The following KIF26B variants were observed in gnomAD, a reference collection of about 807,000 sequenced individuals.
KIF26B encodes kinesin family member 26B.
KIF26B carries 63 observed loss-of-function variants against 151.2 expected under a neutral mutation model. The observed-to-expected ratio is 0.42, with a 90% CI of 0.34 to 0.51. The LOEUF (loss-of-function observed/expected upper bound fraction) is 0.51. KIF26B is among the 20% of genes least tolerant of loss of function. KIF26B has a pLI of 0.07. For synonymous variants in KIF26B, 1,357 were observed against 1,262.1 expected (o/e 1.08, Z -1.59); for missense variants, 2,813 against 2,913.6 (o/e 0.97, Z 0.79).
chr1:245,250,660 T>C (rs901298048), intron 2 of KIF26B, among the ~76,000 whole-genome samples: 19 of 152,176 alleles, frequency 1.2e-4, no homozygotes, highest in African/African-American at 4.6e-4. Flanking sequence ...GATAAAACGA[T>C]GTTTTCTTGT....
chr1:245,282,307 A>G (rs28889888), intron 2 of KIF26B, among the ~76,000 whole-genome samples: 2,527 of 152,274 alleles, frequency 0.017, 68 homozygotes, highest in African/African-American at 0.058. Flanking sequence ...AGCCAAAAGA[A>G]CAAAGCTGGA....
chr1:245,616,406 T>G (rs1017076457), intron 9 of KIF26B, among the ~76,000 whole-genome samples: 2 of 152,214 alleles, frequency 1.3e-5, no homozygotes. Flanking sequence ...ATCAGAGAGC[T>G]GCTTCTCATA....
chr1:245,474,119 T>A (rs1236005942), intron 4 of KIF26B, among the ~76,000 whole-genome samples: 2 of 150,942 alleles, frequency 1.3e-5, no homozygotes, highest in African/African-American at 2.4e-5. Flanking sequence ...CCTTTTTTTT[T>A]TTTTTTTGAG....
chr1:245,346,699 C>T (rs75374118), intron 2 of KIF26B, among the ~76,000 whole-genome samples: 3,130 of 152,222 alleles, frequency 0.021, 61 homozygotes, highest in East Asian at 0.1. Flanking sequence ...AGCTTATTAC[C>T]GGTTGTAAAG....
chr1:245,257,918 A>G (rs576815191), intron 2 of KIF26B, among the ~76,000 whole-genome samples: 1 of 152,192 alleles, frequency 6.6e-6, no homozygotes, highest in South Asian at 2.1e-4. Context: ...GCTACTCGGG[A>G]GGCTGAGGCT....
chr1:245,593,162 C>T (rs142338534), intron 5 of KIF26B, among the ~76,000 whole-genome samples: 1 of 152,100 alleles, frequency 6.6e-6, no homozygotes, highest in African/African-American at 2.4e-5. Context: ...TTTATAAAAC[C>T]TGGGTTTGTT....
chr1:245,435,811 GCTC>G (rs1198989127), intron 4 of KIF26B, among the ~76,000 whole-genome samples: 1 of 152,192 alleles, frequency 6.6e-6, no homozygotes, highest in African/African-American at 2.4e-5. Context: ...GCTAGCCACT[GCTC>G]CTTGGGAACA....
chr1:245,288,347 CAG>C, intron 2 of KIF26B, among the ~76,000 whole-genome samples: 1 of 152,318 alleles, frequency 6.6e-6, no homozygotes, highest in South Asian at 2.1e-4. Context: ...TAGCAACCAA[CAG>C]AAGACAGGAA....
In KIF26B at chr1:245,390,175, G is replaced by GTTTTT. The variant is rs61383926; in HGVS notation, c.999+22817_999+22821dup. Among the ~76,000 whole-genome samples the GTTTTT allele has an allele frequency of 3.7e-3, 542 of 146,980 alleles. 2 individuals carry two copies. Among genetic ancestry groups the GTTTTT allele is most frequent in the Non-Finnish European group, 5.3e-3 (354 of 66,692 alleles). Reference sequence around the variant, plus strand: ...TGTCATATATTTGGATATTTGGAGGGTTTTTTTTTTTTTAAGAAGTACAGT... The same window carrying GTTTTT: ...TGTCATATATTTGGATATTTGGAGGGTTTTTTTTTTTTTTTTTTAAGAAGTACAGT... On this transcript the variant is annotated intron_variant, in intron 3 of 14. Transcript: ENST00000407071.
chr1:245,478,643 C>G (rs1473841560), intron 4 of KIF26B, among the ~76,000 whole-genome samples: 1 of 151,650 alleles, frequency 6.6e-6, no homozygotes, highest in South Asian at 2.1e-4. Context: ...GTCTCGATCT[C>G]CTGACTTGTG....
intron 4 of KIF26B, among the ~76,000 whole-genome samples, chr1:245,452,080 A>G (rs1257563899): frequency 6.6e-6 from 1 of 152,152 alleles, no homozygotes; most frequent in Non-Finnish European, 1.5e-5. Flanking sequence ...CTCTGTAACC[A>G]TTAAGTAATA....
chr1:245,514,247 C>A (rs1447576747), intron 4 of KIF26B, among the ~76,000 whole-genome samples: 3 of 152,084 alleles, frequency 2.0e-5, no homozygotes, highest in African/African-American at 4.8e-5. Flanking sequence ...AAAAATAAGT[C>A]CAGGCGCAGT....
chr1:245,332,738 C>A (rs946132343), intron 2 of KIF26B, among the ~76,000 whole-genome samples: 1 of 152,208 alleles, frequency 6.6e-6, no homozygotes, highest in Non-Finnish European at 1.5e-5. Context: ...TGCTGGCGCC[C>A]AGCACTATGA....
chr1:245,376,034 G>C (rs541579620), intron 3 of KIF26B, among the ~76,000 whole-genome samples: 15 of 151,736 alleles, frequency 9.9e-5, no homozygotes, highest in Non-Finnish European at 2.2e-4. Context: ...TTACAATTAT[G>C]TAAGTCTCAT....
At chr1:245,533,958 T>C (rs10924235) in intron 4 of KIF26B, among the ~76,000 whole-genome samples, 30,463 of 152,030 alleles carry the variant, frequency 0.2, 4,096 homozygotes, top group East Asian at 0.45. Flanking sequence ...CTATGTGAAG[T>C]TCATTTCAGT....
intron 4 of KIF26B, among the ~76,000 whole-genome samples, chr1:245,504,505 G>C (rs1660689738): frequency 6.6e-6 from 1 of 151,192 alleles, no homozygotes; most frequent in South Asian, 2.1e-4. Context: ...GTGATGCCTA[G>C]TGGTACAAAC....
chr1:245,629,380 T>A (rs2103170640), intron 9 of KIF26B, among the ~76,000 whole-genome samples: 1 of 152,276 alleles, frequency 6.6e-6, no homozygotes. Context: ...AACAACATGG[T>A]ACTGGTACCA....
chr1:245,266,385 A>G (rs959300408), intron 2 of KIF26B, among the ~76,000 whole-genome samples: 7 of 152,170 alleles, frequency 4.6e-5, no homozygotes, highest in African/African-American at 1.7e-4. Flanking sequence ...ATTTATTCTT[A>G]CCTCTATTAC....
intron 2 of KIF26B, among the ~76,000 whole-genome samples, chr1:245,345,659 C>T (rs748622825): frequency 6.6e-6 from 1 of 151,972 alleles, no homozygotes; most frequent in Non-Finnish European, 1.5e-5. Context: ...AGCACCGTTC[C>T]CCTTGCTGCT....
Sources: allele counts gnomAD v4.1 joint callset (sites outside exome capture counted in the v4.1 genomes callset), GRCh38; gene constraint gnomAD v4.1.1; transcripts MANE v1.5; gene names NCBI Gene and HGNC (gene_info 2026-07-23, HGNC 2026-07-21).